MED23: variants seen among roughly 807,000 people sequenced by gnomAD.
MED23 encodes mediator of RNA polymerase II transcription subunit 23.
MED23 carries 105 observed loss-of-function variants against 163.9 expected under a neutral mutation model. That is an observed-to-expected ratio of 0.64 (90% CI 0.55 to 0.75). The LOEUF (loss-of-function observed/expected upper bound fraction) is 0.75. MED23 is among the 30% of genes least tolerant of loss of function. The pLI is 0.00. For missense variants in MED23, 1,054 were observed against 1,649.0 expected (o/e 0.64, Z 6.25); for synonymous variants, 561 against 565.6 (o/e 0.99, Z 0.12).
chr6:131,608,645 A>T (rs1167555617), intron 11 of MED23, among the ~76,000 whole-genome samples: 1 of 152,078 alleles, frequency 6.6e-6, no homozygotes, highest in Non-Finnish European at 1.5e-5. Context: ...AACTCAAGCA[A>T]TCCACCGGCT....
In MED23 at chr6:131,623,426, A is replaced by G. The variant is rs1193650027; in HGVS notation, c.321T>C (p.Leu107=). The part of the protein sequence containing the change: ...VCESLINSDT[L]EWERTQLWAL... ...CCCAAAGCTGTGTTCTTTCCCACTC[A>G]AGAGTGTCAGAGTTTATCAGGGATT... Residue 107 remains leucine (L), a synonymous_variant, in exon 5 of 29, where the codon CTT becomes CTC. Transcript: ENST00000368068. 4 of 1,614,164 alleles carry G rather than the reference A, an allele frequency of 2.5e-6. No homozygotes were observed. The highest frequency in any genetic ancestry group is 4.5e-5 in the East Asian group (2 of 44,890).
intron 16 of MED23, among the ~76,000 whole-genome samples, 196 bp from the exon 17 acceptor site, chr6:131,602,577 T>G (rs1318633612): frequency 6.6e-6 from 1 of 152,204 alleles, no homozygotes; most frequent in East Asian, 1.9e-4. Context: ...AATCGTGACT[T>G]TTTACACATT....
intron 15 of MED23, 136 bp from the exon 16 acceptor site, chr6:131,603,340 ATATTTTCT>A: frequency 3.6e-6 from 3 of 841,682 alleles, no homozygotes; most frequent in South Asian, 1.6e-5. Flanking sequence ...TATATTCTCC[ATATTTTCT>A]TATTTTCTAC....
At chr6:131,609,529 T>C (rs1001267508) in intron 11 of MED23, among the ~76,000 whole-genome samples, 3 of 143,018 alleles carry the variant, frequency 2.1e-5, no homozygotes, top group Non-Finnish European at 3.0e-5. Flanking sequence ...TTTTTTTTTT[T>C]TGACACAGAG....
At position 131,602,804 on chromosome 6, in the gene MED23, T is replaced by G. The variant is rs1030651495; in HGVS notation, c.1931+226A>C. On this transcript the variant is annotated intron_variant, in intron 16 of 28. Coordinates refer to ENST00000368068, the MANE Select transcript of MED23 (RefSeq NM_004830.4). ...ATACCCTGGAAGTACTAATTCTCAGTCCAAAGATCCTGAAGGAAGGACTCA... is the reference window on the plus strand; with the variant it reads ...ATACCCTGGAAGTACTAATTCTCAGGCCAAAGATCCTGAAGGAAGGACTCA... 5.3e-5 allele frequency among the ~76,000 whole-genome samples: 8 copies of G among 152,090 alleles called. No individual in the cohort carries two copies. The South Asian group carries it at 1.0e-3, about 20-fold the overall frequency.
At chr6:131,627,333 A>T in intron 3 of MED23, 63 bp downstream of exon 3, 1 of 1,163,358 alleles carries the variant, frequency 8.6e-7, no homozygotes, top group Non-Finnish European at 1.2e-6. Context: ...TTAAAAGAAA[A>T]AAAAAAAAAA....
chr6:131,591,301 T>C lies in MED23; in HGVS notation c.3686+12A>G. Reference sequence around the variant, plus strand: ...CCTACGTCAAATTTCTTTAAGAAATTATTATACTTACTTTGGAATGAGAGA... The same window carrying C: ...CCTACGTCAAATTTCTTTAAGAAATCATTATACTTACTTTGGAATGAGAGA... On this transcript the variant is annotated intron_variant, in intron 26 of 28. Transcript: ENST00000368068. 6.3e-7 allele frequency: 1 copy of C among 1,598,574 alleles called. No individual in the cohort carries two copies. The highest frequency in any genetic ancestry group is 8.6e-7 in the Non-Finnish European group (1 of 1,166,304).
chr6:131,621,743 T>G (rs1227249626), intron 6 of MED23, 138 bp downstream of exon 6: 1 of 526,946 alleles, frequency 1.9e-6, no homozygotes, highest in Non-Finnish European at 3.4e-6. Context: ...ACTAGCATCT[T>G]TTAAAATAGA....
downstream of MED23, among the ~76,000 whole-genome samples, chr6:131,584,483 A>G (rs948097514): frequency 6.6e-6 from 1 of 152,000 alleles, no homozygotes; most frequent in African/African-American, 2.4e-5. Flanking sequence ...AGTGAAATCA[A>G]TCATCCCCAA....
Position 131,624,908 on chromosome 6 carries a change from C to T in MED23, c.241G>A (p.Asp81Asn). The T allele has an allele frequency of 6.2e-7, 1 of 1,613,812 alleles. No individual in the cohort carries two copies. The highest frequency in any genetic ancestry group is 8.5e-7 in the Non-Finnish European group (1 of 1,179,932). Reference protein sequence around the residue: ...HSPKRISFLYDCLAMAVETGL... With the variant: ...HSPKRISFLYNCLAMAVETGL... ...GTCTCAACTGCCATTGCTAAGCAGTCATAAAGAAAAGAAATTCTTTTAGGA... is the reference window on the plus strand; with the variant it reads ...GTCTCAACTGCCATTGCTAAGCAGTTATAAAGAAAAGAAATTCTTTTAGGA... Residue 81 changes from aspartate (D) to asparagine (N), a missense_variant, in exon 4 of 29, where the codon GAC becomes AAC. Asp to Asn is a conservative substitution (Grantham distance 23). Around this residue, in one of 11 missense-constraint regions of MED23, gnomAD observed 227 missense variants for 235.5 expected, o/e 0.96. Coordinates refer to ENST00000368068, the MANE Select transcript of MED23 (RefSeq NM_004830.4).
At chr6:131,596,486 G>C (rs2114620507) in intron 21 of MED23, 32 bp downstream of exon 21, 3 of 1,609,478 alleles carry the variant, frequency 1.9e-6, no homozygotes, top group Non-Finnish European at 2.6e-6. Flanking sequence ...GGCTTTAAAA[G>C]GACTATTTGA....
At chr6:131,616,647 C>G (rs1776711090) in intron 9 of MED23, among the ~76,000 whole-genome samples, 1 of 151,982 alleles carries the variant, frequency 6.6e-6, no homozygotes, top group Non-Finnish European at 1.5e-5. Flanking sequence ...GGCAAAACCC[C>G]ATCTCTACAA....
chr6:131,601,343 C>G (rs1050832898), intron 17 of MED23, among the ~76,000 whole-genome samples: 2 of 152,066 alleles, frequency 1.3e-5, no homozygotes, highest in Non-Finnish European at 2.9e-5. Flanking sequence ...AAAATGTCAA[C>G]GTTTGCTAGA....
Position 131,603,014 on chromosome 6 carries a change from T to A in MED23, c.1931+16A>T. On this transcript the variant is annotated intron_variant, in intron 16 of 28. Transcript: ENST00000368068. ...TCTAATAAATCTTAAGGAAAGATGG[T>A]CTTCAATGAGCTCACCAAAGATGGA... The A allele has an allele frequency of 6.2e-7, 1 of 1,612,738 alleles. No individual in the cohort carries two copies. Among genetic ancestry groups the A allele is most frequent in the Non-Finnish European group, 8.5e-7 (1 of 1,178,898 alleles).
In MED23 at chr6:131,587,184, T is replaced by C; in HGVS notation, c.*495A>G. On this transcript the variant is annotated 3_prime_UTR_variant, in exon 29 of 29. Coordinates refer to ENST00000368068, the MANE Select transcript of MED23 (RefSeq NM_004830.4). ...TATGAAGCCTTGTTTGCTCCTACAA[T>C]GCAACAAAATCTAGATTCCTTTTCT... The C allele has an allele frequency of 2.6e-6, 3 of 1,136,308 alleles. No homozygotes were observed. The highest frequency in any genetic ancestry group is 3.3e-6 in the Non-Finnish European group (3 of 911,756). The allele number at this position is 1,136,308 out of a possible 1,614,324, so 70.4% of individuals were successfully genotyped here. A position where few individuals can be genotyped will look rare whatever the true frequency, so the allele number is the denominator to read the frequency against.
intron 26 of MED23, among the ~76,000 whole-genome samples, chr6:131,591,044 G>A (rs547526264): frequency 2.6e-5 from 4 of 151,042 alleles, no homozygotes; most frequent in Middle Eastern, 3.4e-3. Flanking sequence ...GCAGTGGCGC[G>A]ATCTTGGTTC....
chr6:131,613,592 G>A (rs79213079), intron 10 of MED23, among the ~76,000 whole-genome samples: 2,913 of 152,098 alleles, frequency 0.019, 110 homozygotes, highest in African/African-American at 0.067. Flanking sequence ...CTTTCCAGTA[G>A]GTAAAAATAT....
At chr6:131,612,070 T>C (rs1385990560) in intron 10 of MED23, among the ~76,000 whole-genome samples, 2 of 152,036 alleles carry the variant, frequency 1.3e-5, no homozygotes, top group Admixed American at 1.3e-4. Context: ...TTTCAATATA[T>C]GCCATGACTC....
rs200270063 is a variant in MED23, at chr6:131,577,747, C to CAA, written c.4096-3454_4096-3453dup. Among the ~76,000 whole-genome samples, 19 of 149,418 alleles carry CAA rather than the reference C, an allele frequency of 1.3e-4. 1 individual carries two copies. In the South Asian group the frequency reaches 3.6e-3, roughly 28 times the overall value. ...TGAAACCCCTTCTCTAGTAAAAATACAAAAAAAAATAGCTGGGCGTGGTGG... is the reference window on the plus strand; with the variant it reads ...TGAAACCCCTTCTCTAGTAAAAATACAAAAAAAAAAATAGCTGGGCGTGGTGG... On this transcript the variant is annotated intron_variant, in intron 30 of 30. Transcript: ENST00000354577.
Sources: allele counts gnomAD v4.1 joint callset (sites outside exome capture counted in the v4.1 genomes callset), GRCh38; gene constraint gnomAD v4.1.1; regional missense constraint gnomAD v4.1.1; transcripts MANE v1.5; gene names NCBI Gene and HGNC (gene_info 2026-07-23, HGNC 2026-07-21).